The following EPHA6 variants were observed in gnomAD, a reference collection of about 807,000 sequenced individuals.
EPHA6 encodes ephrin type-A receptor 6.
EPHA6 carries 50 observed loss-of-function variants against 112.0 expected under a neutral mutation model. That is an observed-to-expected ratio of 0.45 (90% CI 0.36 to 0.56). The LOEUF is 0.56. Among genes scored for constraint, EPHA6 ranks in the 20% least tolerant of loss-of-function variants. EPHA6 has a pLI of 0.00. For synonymous variants in EPHA6, 529 were observed against 490.7 expected, an observed-to-expected ratio of 1.08 and a Z score of -1.03; for missense variants, 1,280 against 1,417.4, an observed-to-expected ratio of 0.90 and a Z score of 1.56.
Position 97,216,227 on chromosome 3 carries a change from A to G in EPHA6, c.1115-10037A>G, listed in dbSNP as rs1500703. Among the ~76,000 whole-genome samples, 483 of 152,298 alleles carry G rather than the reference A, an allele frequency of 3.2e-3. 1 individual carries two copies. The highest frequency in any genetic ancestry group is 0.011 in the African/African-American group (449 of 41,572). On this transcript the variant is annotated intron_variant, in intron 3 of 17. Coordinates refer to ENST00000389672, the MANE Select transcript of EPHA6 (RefSeq NM_001080448.3). Reference sequence around the variant, plus strand: ...GTAGAAGGAGAAGCGGAGCCTGTACATCACATGGTGTGAGCAGGAGCAAGG... The same window carrying G: ...GTAGAAGGAGAAGCGGAGCCTGTACGTCACATGGTGTGAGCAGGAGCAAGG...
chr3:97,243,673 A>G (rs1470911464), intron 4 of EPHA6, among the ~76,000 whole-genome samples: 2 of 151,914 alleles, frequency 1.3e-5, no homozygotes. Flanking sequence ...CAAGTTTAAA[A>G]GGTGTAATTA....
chr3:97,042,202 G>T lies in EPHA6; in HGVS notation c.1114+54209G>T, dbSNP rs1455347639. On this transcript the variant is annotated intron_variant, in intron 3 of 17. Coordinates refer to ENST00000389672, the MANE Select transcript of EPHA6 (RefSeq NM_001080448.3). Reference sequence around the variant, plus strand: ...CCTGGGGGTGGATCCCTTATTAATGGCTTAATGCCGACTTCATGATAGTTC... The same window carrying T: ...CCTGGGGGTGGATCCCTTATTAATGTCTTAATGCCGACTTCATGATAGTTC... Among the ~76,000 whole-genome samples, 3 of 152,114 alleles carry T rather than the reference G, an allele frequency of 2.0e-5. No homozygotes were observed. The East Asian group carries it at 5.8e-4, about 30-fold the overall frequency.
chr3:97,184,003 A>C (rs949195041), intron 3 of EPHA6, among the ~76,000 whole-genome samples: 2 of 152,156 alleles, frequency 1.3e-5, no homozygotes, highest in African/African-American at 4.8e-5. Flanking sequence ...CATCATTGAA[A>C]GTTCGATTGG....
intron 2 of EPHA6, among the ~76,000 whole-genome samples, chr3:96,958,553 C>T (rs2041847009): frequency 6.6e-6 from 1 of 152,092 alleles, no homozygotes; most frequent in Admixed American, 6.6e-5. Flanking sequence ...TTTACTTGCA[C>T]TGGTTATTTG....
intron 5 of EPHA6, among the ~76,000 whole-genome samples, chr3:97,355,726 G>T (rs1340564382): frequency 4.6e-5 from 7 of 152,094 alleles, no homozygotes; most frequent in Non-Finnish European, 5.9e-5. Context: ...TCTTTCAGAA[G>T]ACACGGATTG....
At chr3:97,367,336 G>A (rs1176876254) in intron 5 of EPHA6, among the ~76,000 whole-genome samples, 1 of 151,950 alleles carries the variant, frequency 6.6e-6, no homozygotes, top group Non-Finnish European at 1.5e-5. Flanking sequence ...GCTCAACCCC[G>A]GCCTATTCTG....
At chr3:97,156,766 C>T (rs937915148) in intron 3 of EPHA6, among the ~76,000 whole-genome samples, 8 of 152,162 alleles carry the variant, frequency 5.3e-5, no homozygotes, top group Middle Eastern at 3.4e-3. Context: ...TTTTTAATGT[C>T]AGTTTAATAT....
At chr3:96,920,542 C>T (rs1169792557) in intron 2 of EPHA6, among the ~76,000 whole-genome samples, 1 of 151,918 alleles carries the variant, frequency 6.6e-6, no homozygotes, top group East Asian at 1.9e-4. Flanking sequence ...TTTACAAAAA[C>T]AAATCAACCA....
intron 11 of EPHA6, among the ~76,000 whole-genome samples, chr3:97,574,275 A>G (rs371815291): frequency 6.6e-6 from 1 of 152,170 alleles, no homozygotes; most frequent in Non-Finnish European, 1.5e-5. Context: ...TAGAATGCTA[A>G]TACCATAAGT....
intron 13 of EPHA6, among the ~76,000 whole-genome samples, chr3:97,627,190 A>G (rs1290005973): frequency 1.3e-5 from 2 of 151,946 alleles, no homozygotes; most frequent in African/African-American, 2.4e-5. Context: ...GCAAATATGT[A>G]TTGACAGACT....
intron 10 of EPHA6, among the ~76,000 whole-genome samples, chr3:97,496,336 C>A (rs1370470730): frequency 6.6e-6 from 1 of 152,116 alleles, no homozygotes; most frequent in Non-Finnish European, 1.5e-5. Context: ...AAATGTTCAT[C>A]TGCTTGGGAT....
intron 2 of EPHA6, among the ~76,000 whole-genome samples, chr3:96,987,013 A>T (rs2043047025): frequency 6.6e-6 from 1 of 152,192 alleles, no homozygotes; most frequent in Admixed American, 6.5e-5. Context: ...ACATGTATTT[A>T]TCTAATTTAC....
intron 5 of EPHA6, 36 bp from the exon 6 acceptor site, chr3:97,405,114 T>A: frequency 6.4e-7 from 1 of 1,553,556 alleles, no homozygotes; most frequent in Non-Finnish European, 8.7e-7. Flanking sequence ...AAATGATTCC[T>A]GCCAATTAAT....
chr3:96,936,315 A>G (rs781322669), intron 2 of EPHA6, among the ~76,000 whole-genome samples: 1 of 152,084 alleles, frequency 6.6e-6, no homozygotes, highest in Non-Finnish European at 1.5e-5. Flanking sequence ...CTTTTCAAAA[A>G]TATGTTTGAA....
At chr3:96,917,418 CAAAAAAAAAAAAA>C (rs5851049) in intron 2 of EPHA6, among the ~76,000 whole-genome samples, 5 of 58,086 alleles carry the variant, frequency 8.6e-5, no homozygotes, top group Non-Finnish European at 1.8e-4. Flanking sequence ...GACTCCATCT[CAAAAAAAAAAAAA>C]AAAAAAAAGA....
chr3:97,260,996 C>T (rs938085185), intron 5 of EPHA6, among the ~76,000 whole-genome samples: 1 of 152,172 alleles, frequency 6.6e-6, no homozygotes, highest in Non-Finnish European at 1.5e-5. Flanking sequence ...TGCCTAATTT[C>T]AAATTAAGTG....
intron 5 of EPHA6, among the ~76,000 whole-genome samples, chr3:97,402,153 A>C (rs2087030236): frequency 6.6e-6 from 1 of 151,988 alleles, no homozygotes. Context: ...ATGTTTTGTA[A>C]CTATTAGTTA....
At chr3:96,970,191 C>G (rs1306817399) in intron 2 of EPHA6, among the ~76,000 whole-genome samples, 1 of 151,744 alleles carries the variant, frequency 6.6e-6, no homozygotes, top group Admixed American at 6.6e-5. Context: ...TCTCTCCTGA[C>G]ACAGACACAT....
At chr3:97,617,540 C>T (rs551890252) in intron 13 of EPHA6, among the ~76,000 whole-genome samples, 1 of 152,202 alleles carries the variant, frequency 6.6e-6, no homozygotes, top group Admixed American at 6.6e-5. Context: ...ACCCATCTCA[C>T]TCACATGCAG....
Sources: gnomAD v4.1 joint callset for allele counts (sites outside exome capture counted in the v4.1 genomes callset) on GRCh38, gnomAD v4.1.1 for gene constraint, MANE v1.5 for transcripts, NCBI Gene and HGNC (gene_info 2026-07-23, HGNC 2026-07-21) for gene names.